Variants in ACACA observed in about 807,000 individuals in gnomAD.
ACACA encodes the protein acetyl-CoA carboxylase 1.
Under a neutral mutation model 296.1 loss-of-function variants are expected in ACACA, and 103 were observed. The ratio of observed to expected loss-of-function variants is 0.35; its 90% CI spans 0.30 to 0.41. ACACA has a LOEUF of 0.41. ACACA is among the 10% of genes least tolerant of loss of function. The pLI is 1.00. For missense variants in ACACA, 1,554 were observed against 2,989.7 expected (o/e 0.52, Z 11.20); for synonymous variants, 953 against 1,038.6 (o/e 0.92, Z 1.58).
intron 3 of ACACA, among the ~76,000 whole-genome samples, chr17:37,324,322 C>T (rs1021565571): frequency 1.3e-5 from 2 of 148,798 alleles, no homozygotes; most frequent in East Asian, 2.0e-4. Flanking sequence ...GCCGAGATTG[C>T]GCCACTGCAC....
At chr17:37,132,789 A>G (rs2075163642) in intron 45 of ACACA, among the ~76,000 whole-genome samples, 1 of 152,228 alleles carries the variant, frequency 6.6e-6, no homozygotes, top group Non-Finnish European at 1.5e-5. Flanking sequence ...GGGACCGCTC[A>G]GCTGTTTAAA....
chr17:37,212,686 C>T (rs555388859), intron 29 of ACACA, among the ~76,000 whole-genome samples: 2 of 150,666 alleles, frequency 1.3e-5, no homozygotes, highest in African/African-American at 2.4e-5. Context: ...AGACAAGGTC[C>T]CACTATGTTG....
intron 20 of ACACA, 111 bp downstream of exon 20, chr17:37,244,969 G>A (rs2080619666): frequency 6.6e-7 from 1 of 1,515,040 alleles, no homozygotes; most frequent in Non-Finnish European, 9.2e-7. Flanking sequence ...ATTAATAGGG[G>A]ACAAAGCTAA....
intron 3 of ACACA, among the ~76,000 whole-genome samples, 175 bp downstream of exon 3, chr17:37,329,998 C>T (rs778103756): frequency 6.6e-6 from 1 of 152,082 alleles, no homozygotes; most frequent in African/African-American, 2.4e-5. Context: ...TTGATGGGAA[C>T]ATACATGATT....
intron 1 of ACACA, among the ~76,000 whole-genome samples, chr17:37,344,125 T>A (rs1163050183): frequency 6.6e-6 from 1 of 151,492 alleles, no homozygotes; most frequent in African/African-American, 2.4e-5. Context: ...AAAATTTTTT[T>A]AAAAAGAAAA....
chr17:37,224,974 A>G lies in ACACA; in HGVS notation c.3474+18T>C. 1 of 1,114,222 alleles carries G rather than the reference A, an allele frequency of 9.0e-7. No homozygotes were observed. The allele number at this position is 1,114,222 out of a possible 1,614,324, so 69.0% of individuals were successfully genotyped here. A position where few individuals can be genotyped will look rare whatever the true frequency, so the allele number is the denominator to read the frequency against. On this transcript the variant is annotated intron_variant, in intron 27 of 55. Transcript: ENST00000616317. ...AGATAGGCAGGAAAGGGTTATATAT[A>G]TATATATATATATATACCTGCAGGT...
In ACACA at chr17:37,161,882, G is replaced by A. The variant is rs1255086287; in HGVS notation, c.5248C>T (p.Arg1750Cys). Residue 1750 changes from arginine (R) to cysteine (C), a missense_variant, in exon 42 of 56, where the codon CGC becomes TGC. Arg to Cys is a radical substitution (Grantham distance 180). Around this residue, in one of 16 missense-constraint regions of ACACA, gnomAD observed 553 missense variants for 1,043.6 expected, o/e 0.53. Coordinates refer to ENST00000616317, the MANE Select transcript of ACACA (RefSeq NM_198834.3). ...SELARAEGIP[R>C]IYVSANSGAR... ...CCACTGTTGGCTGATACATAGATGC[G>A]TGGAATACCTTCTGCCCTAGCAAGT... 5 of 1,614,050 alleles carry A rather than the reference G, an allele frequency of 3.1e-6. No individual in the cohort carries two copies. The highest frequency in any genetic ancestry group is 4.2e-6 in the Non-Finnish European group (5 of 1,180,032).
chr17:37,405,653 A>C (rs1290540675), intron 1 of ACACA, among the ~76,000 whole-genome samples: 2 of 151,998 alleles, frequency 1.3e-5, no homozygotes, highest in Non-Finnish European at 2.9e-5. Context: ...CCAGGGTTCA[A>C]GCGATTCTAC....
intron 45 of ACACA, among the ~76,000 whole-genome samples, chr17:37,147,391 C>A (rs2075857183): frequency 6.6e-6 from 1 of 152,080 alleles, no homozygotes; most frequent in African/African-American, 2.4e-5. Context: ...AAGAGACATG[C>A]ACTCAGGGTG....
At position 37,258,193 on chromosome 17, in the gene ACACA, C is replaced by G; in HGVS notation, c.1662+19G>C. ...AAGTTCATTAAAAGGAGGTATAAAC[C>G]TTTTAAGTGATGGGTTACCTCATCT... On this transcript the variant is annotated intron_variant, in intron 13 of 55. Transcript: ENST00000616317. 1 of 1,613,466 alleles carries G rather than the reference C, an allele frequency of 6.2e-7. No individual in the cohort carries two copies. The highest frequency in any genetic ancestry group is 8.5e-7 in the Non-Finnish European group (1 of 1,179,508).
chr17:37,166,026 C>T (rs2076652614), intron 41 of ACACA, among the ~76,000 whole-genome samples: 1 of 152,146 alleles, frequency 6.6e-6, no homozygotes, highest in African/African-American at 2.4e-5. Context: ...TTGCTTTTGG[C>T]TTACCATCTT....
At chr17:37,320,665 G>T (rs1364851840) in intron 3 of ACACA, among the ~76,000 whole-genome samples, 1 of 151,358 alleles carries the variant, frequency 6.6e-6, no homozygotes, top group Admixed American at 6.6e-5. Context: ...GTGGGCAATA[G>T]GCCAGGCACG....
intron 1 of ACACA, among the ~76,000 whole-genome samples, chr17:37,395,704 G>A (rs1454656592): frequency 2.0e-5 from 3 of 152,070 alleles, no homozygotes; most frequent in East Asian, 3.9e-4. Context: ...CACCATGCTC[G>A]GCTAATTTTT....
intron 45 of ACACA, among the ~76,000 whole-genome samples, chr17:37,137,166 A>G (rs1352669666): frequency 6.6e-6 from 1 of 152,158 alleles, no homozygotes. Flanking sequence ...TCTTTTGGAT[A>G]CCAATCTTTT....
At chr17:37,332,015 A>G (rs925872506) in intron 2 of ACACA, among the ~76,000 whole-genome samples, 9 of 152,274 alleles carry the variant, frequency 5.9e-5, no homozygotes, top group African/African-American at 2.2e-4. Context: ...ATATGAGAAG[A>G]AAATGAATCT....
chr17:37,240,375 C>T, intron 24 of ACACA, 101 bp downstream of exon 24: 1 of 969,204 alleles, frequency 1.0e-6, no homozygotes, highest in Non-Finnish European at 1.6e-6. Context: ...GTGTTGTTGA[C>T]AGGAGGGGGC....
Position 37,354,481 on chromosome 17 carries a change from A to G in ACACA, c.39-14631T>C, listed in dbSNP as rs563841374. ...TAAATGAGATTGGCCAGCTAAACTC[A>G]TAAGAATTAATGCCATATCAATCAG... On this transcript the variant is annotated intron_variant, in intron 1 of 55. Coordinates refer to ENST00000616317, the MANE Select transcript of ACACA (RefSeq NM_198834.3). Among the ~76,000 whole-genome samples, 7 of 152,364 alleles carry G rather than the reference A, an allele frequency of 4.6e-5. No individual in the cohort carries two copies. In the South Asian group the frequency reaches 1.4e-3, roughly 32 times the overall value.
chr17:37,193,960 C>T (rs541640866), intron 35 of ACACA, among the ~76,000 whole-genome samples: 7 of 152,178 alleles, frequency 4.6e-5, no homozygotes, highest in African/African-American at 1.7e-4. Context: ...TGGTCACTAC[C>T]ACTATATGTA....
At chr17:37,335,243 C>T (rs1029378871) in intron 2 of ACACA, among the ~76,000 whole-genome samples, 37 of 152,126 alleles carry the variant, frequency 2.4e-4, no homozygotes, top group Non-Finnish European at 4.6e-4. Flanking sequence ...ATGTGCCTCC[C>T]CCTGCACTTT....
Sources: allele counts gnomAD v4.1 joint callset (sites outside exome capture counted in the v4.1 genomes callset), GRCh38; gene constraint gnomAD v4.1.1; regional missense constraint gnomAD v4.1.1; transcripts MANE v1.5; gene names NCBI Gene and HGNC (gene_info 2026-07-23, HGNC 2026-07-21).